LAMA2: variants seen among roughly 807,000 people sequenced by gnomAD.
LAMA2 encodes the protein laminin subunit alpha-2.
A neutral mutation model predicts 364.8 loss-of-function variants in LAMA2; 269 were observed. That is an observed-to-expected ratio of 0.74 (90% CI 0.67 to 0.82). The LOEUF (loss-of-function observed/expected upper bound fraction) is 0.82. Ranked by LOEUF, LAMA2 falls within the 40% of genes least tolerant of loss-of-function variation. LAMA2 has a pLI of 0.00. For synonymous variants in LAMA2, 1,379 were observed against 1,370.6 expected (o/e 1.01, Z -0.14); for missense variants, 3,807 against 3,873.2 (o/e 0.98, Z 0.45).
intron 11 of LAMA2, 71 bp from the exon 12 acceptor site, chr6:129,192,609 G>C: frequency 6.9e-6 from 10 of 1,451,822 alleles, no homozygotes; most frequent in Non-Finnish European, 9.6e-6. Flanking sequence ...GACACGACCA[G>C]GAACATGAAA....
chr6:129,457,259 G>A (rs1399628495), intron 48 of LAMA2, among the ~76,000 whole-genome samples: 1 of 152,082 alleles, frequency 6.6e-6, no homozygotes, highest in Non-Finnish European at 1.5e-5. Flanking sequence ...TACGAGATGT[G>A]ACTCTAAAGT....
At chr6:128,992,837 A>G in intron 1 of LAMA2, among the ~76,000 whole-genome samples, 1 of 152,168 alleles carries the variant, frequency 6.6e-6, no homozygotes, top group East Asian at 1.9e-4. Flanking sequence ...ATTTTGTTGT[A>G]GGTACGTCAC....
In LAMA2 at chr6:129,512,456, A is replaced by C; in HGVS notation, c.8951A>C (p.Lys2984Thr). The part of the protein sequence containing the change: ...TGVLLGISSQ[K>T]MDGMGIEMID... ...GTTCTTCTGGGGATCAGTAGTCAAA[A>C]AATGGATGGAATGGGTATTGAAATG... Residue 2984 changes from lysine (K) to threonine (T), a missense_variant, in exon 63 of 65, where the codon AAA becomes ACA. Lys to Thr is a moderately conservative substitution (Grantham distance 78). Around this residue, in one of 3 missense-constraint regions of LAMA2, gnomAD observed 3,333 missense variants for 3,345.7 expected, o/e 1.00. Coordinates refer to ENST00000421865, the MANE Select transcript of LAMA2 (RefSeq NM_000426.4). 5 of 1,613,820 alleles carry C rather than the reference A, an allele frequency of 3.1e-6. No homozygotes were observed. The highest frequency in any genetic ancestry group is 4.2e-6 in the Non-Finnish European group (5 of 1,179,724).
chr6:129,148,228 T>C (rs1291902370), intron 6 of LAMA2, among the ~76,000 whole-genome samples: 1 of 152,088 alleles, frequency 6.6e-6, no homozygotes, highest in African/African-American at 2.4e-5. Context: ...CTGGAAACCA[T>C]GGTCCTCAGG....
At chr6:128,896,875 T>G (rs552511882) in intron 1 of LAMA2, among the ~76,000 whole-genome samples, 10 of 152,372 alleles carry the variant, frequency 6.6e-5, no homozygotes, top group Admixed American at 6.5e-4. Flanking sequence ...TTTAGGACTG[T>G]ATTAAGTTTT....
chr6:129,469,207 T>C (rs963845059), intron 51 of LAMA2, among the ~76,000 whole-genome samples: 4 of 152,036 alleles, frequency 2.6e-5, no homozygotes, highest in Middle Eastern at 6.8e-3. Flanking sequence ...AGTAGAGATG[T>C]GACAGGGTAA....
chr6:129,213,499 G>A (rs1419696501), intron 12 of LAMA2, among the ~76,000 whole-genome samples: 1 of 152,166 alleles, frequency 6.6e-6, no homozygotes, highest in Non-Finnish European at 1.5e-5. Context: ...CACCAGCAAT[G>A]AACAAGAGTT....
At chr6:129,288,091 A>G (rs767718142) in intron 19 of LAMA2, 33 bp downstream of exon 19, 20 of 1,566,608 alleles carry the variant, frequency 1.3e-5, no homozygotes. Flanking sequence ...CCCTGACAGA[A>G]TTGATGTATT....
intron 12 of LAMA2, among the ~76,000 whole-genome samples, chr6:129,198,626 G>C (rs1190909929): frequency 1.3e-5 from 2 of 152,030 alleles, no homozygotes; most frequent in Non-Finnish European, 2.9e-5. Context: ...CAAAACGTGG[G>C]TAAAACACAA....
chr6:129,388,271 A>AAAAC (rs1382298793), intron 35 of LAMA2, among the ~76,000 whole-genome samples: 1 of 151,840 alleles, frequency 6.6e-6, no homozygotes, highest in African/African-American at 2.4e-5. Context: ...AAAAAAAACA[A>AAAAC]AAACAAACAA....
intron 22 of LAMA2, among the ~76,000 whole-genome samples, chr6:129,312,041 A>G (rs538421472): frequency 6.9e-6 from 1 of 144,364 alleles, no homozygotes; most frequent in South Asian, 2.1e-4. Context: ...AAGAAAATTG[A>G]TTAATTAGAA....
At chr6:129,468,294 C>A (rs886222481) in intron 51 of LAMA2, among the ~76,000 whole-genome samples, 1 of 151,762 alleles carries the variant, frequency 6.6e-6, no homozygotes, top group Non-Finnish European at 1.5e-5. Context: ...CTACCTTCTG[C>A]CCATGGTTGT....
intron 12 of LAMA2, among the ~76,000 whole-genome samples, chr6:129,248,103 G>A (rs1434382918): frequency 6.6e-6 from 1 of 152,138 alleles, no homozygotes; most frequent in Non-Finnish European, 1.5e-5. Context: ...ATCAGCGGTG[G>A]TATTAGATTC....
intron 1 of LAMA2, among the ~76,000 whole-genome samples, chr6:128,903,198 C>T (rs924801514): frequency 5.9e-5 from 9 of 151,954 alleles, no homozygotes; most frequent in Non-Finnish European, 1.3e-4. Flanking sequence ...CTTTGTAAGA[C>T]ACTGTTACTG....
chr6:129,144,670 A>G (rs9482989), intron 5 of LAMA2, among the ~76,000 whole-genome samples: 43,356 of 151,898 alleles, frequency 0.29, 7,929 homozygotes, highest in African/African-American at 0.52. Context: ...GTGGGCCATC[A>G]AATAATTTGG....
intron 7 of LAMA2, among the ~76,000 whole-genome samples, chr6:129,151,305 A>C (rs1778779991): frequency 1.3e-5 from 2 of 152,210 alleles, no homozygotes. Context: ...TGTGAGAATA[A>C]GTCTATGTTA....
intron 43 of LAMA2, chr6:129,442,318 G>A: frequency 3.7e-6 from 3 of 813,848 alleles, no homozygotes; most frequent in Admixed American, 9.0e-5. Context: ...ATAAACTTCA[G>A]AGCCAGGGTG....
intron 5 of LAMA2, 112 bp downstream of exon 5, chr6:129,144,192 AT>A: frequency 1.4e-6 from 1 of 730,596 alleles, no homozygotes; most frequent in Non-Finnish European, 2.3e-6. Flanking sequence ...TTATTATCAA[AT>A]TTTTATTTTA....
At chr6:129,211,047 T>C (rs950411460) in intron 12 of LAMA2, among the ~76,000 whole-genome samples, 1 of 152,188 alleles carries the variant, frequency 6.6e-6, no homozygotes, top group African/African-American at 2.4e-5. Context: ...TGGGAAAACA[T>C]GATACAAACA....
Sources: allele counts gnomAD v4.1 joint callset (sites outside exome capture counted in the v4.1 genomes callset), GRCh38; gene constraint gnomAD v4.1.1; regional missense constraint gnomAD v4.1.1; transcripts MANE v1.5; gene names NCBI Gene and HGNC (gene_info 2026-07-23, HGNC 2026-07-21).